Variants in KCNMB4 observed in about 807,000 individuals in gnomAD.
KCNMB4 encodes the protein calcium-activated potassium channel subunit beta-4.
In KCNMB4, 3 loss-of-function variants were observed where a neutral mutation model predicts 20.7. The observed-to-expected ratio is 0.14, with a 90% CI of 0.07 to 0.37. KCNMB4 has a LOEUF of 0.37. Among genes scored for constraint, KCNMB4 ranks in the 10% least tolerant of loss-of-function variants. KCNMB4 has a pLI of 1.00. For synonymous variants in KCNMB4, 110 were observed against 113.4 expected, an observed-to-expected ratio of 0.97 and a Z score of 0.19; for missense variants, 168 against 265.9, an observed-to-expected ratio of 0.63 and a Z score of 2.56.
chr12:70,375,417 T>C (rs1883667645), intron 1 of KCNMB4, among the ~76,000 whole-genome samples: 1 of 151,784 alleles, frequency 6.6e-6, no homozygotes, highest in Non-Finnish European at 1.5e-5. Context: ...GGAGGATTGC[T>C]TGAGGCCAGG....
At chr12:70,389,289 C>G (rs1337505377) in intron 1 of KCNMB4, among the ~76,000 whole-genome samples, 3 of 152,108 alleles carry the variant, frequency 2.0e-5, no homozygotes, top group African/African-American at 7.2e-5. Context: ...GTACCTTTCT[C>G]TTATTTTTCC....
chr12:70,429,106 C>A (rs142497143), intron 2 of KCNMB4, among the ~76,000 whole-genome samples: 48 of 152,200 alleles, frequency 3.2e-4, no homozygotes, highest in African/African-American at 1.1e-3. Context: ...AAAAGAAATA[C>A]CCAACACCCT....
intron 1 of KCNMB4, among the ~76,000 whole-genome samples, chr12:70,392,438 C>A (rs1218065153): frequency 6.6e-6 from 1 of 152,064 alleles, no homozygotes; most frequent in East Asian, 1.9e-4. Flanking sequence ...GGATCTAGAA[C>A]CAGAAATACC....
chr12:70,383,259 G>A (rs1158791862), intron 1 of KCNMB4, among the ~76,000 whole-genome samples: 2 of 152,136 alleles, frequency 1.3e-5, no homozygotes. Flanking sequence ...CCTTAAATAT[G>A]TGCAATTTTT....
At chr12:70,372,968 T>C (rs1248105245) in intron 1 of KCNMB4, among the ~76,000 whole-genome samples, 2 of 151,986 alleles carry the variant, frequency 1.3e-5, no homozygotes, top group African/African-American at 4.8e-5. Flanking sequence ...GAAGATAAAA[T>C]GCAAGAAACA....
intron 2 of KCNMB4, among the ~76,000 whole-genome samples, chr12:70,417,077 G>A (rs755188119): frequency 1.3e-5 from 2 of 152,128 alleles, no homozygotes; most frequent in Non-Finnish European, 2.9e-5. Flanking sequence ...TACTGATGCT[G>A]GAGCTATAGA....
At chr12:70,393,948 T>C (rs1213974459) in intron 1 of KCNMB4, among the ~76,000 whole-genome samples, 1 of 152,148 alleles carries the variant, frequency 6.6e-6, no homozygotes, top group Non-Finnish European at 1.5e-5. Context: ...ACAAGCAAAT[T>C]CCTGTTCAGC....
At chr12:70,418,601 A>G (rs544143629) in intron 2 of KCNMB4, among the ~76,000 whole-genome samples, 2 of 152,280 alleles carry the variant, frequency 1.3e-5, no homozygotes, top group South Asian at 4.1e-4. Context: ...GGCGCGTGCT[A>G]ACTTTGCTCC....
intron 1 of KCNMB4, among the ~76,000 whole-genome samples, chr12:70,375,263 T>A (rs1478474953): frequency 6.6e-6 from 1 of 152,180 alleles, no homozygotes; most frequent in Non-Finnish European, 1.5e-5. Context: ...GGCTAGTCTA[T>A]TTCTTCCTCC....
chr12:70,409,300 G>C (rs1868701709), intron 2 of KCNMB4, among the ~76,000 whole-genome samples: 1 of 152,126 alleles, frequency 6.6e-6, no homozygotes, highest in African/African-American at 2.4e-5. Flanking sequence ...CTTGTTGAAG[G>C]CATCCTCAAC....
chr12:70,392,809 A>G (rs1327674520), intron 1 of KCNMB4, among the ~76,000 whole-genome samples: 5 of 152,264 alleles, frequency 3.3e-5, no homozygotes, highest in African/African-American at 1.2e-4. Flanking sequence ...AGGGAGGGCA[A>G]CATCACACAC....
intron 2 of KCNMB4, among the ~76,000 whole-genome samples, chr12:70,424,764 A>C (rs1593349189): frequency 9.0e-6 from 1 of 111,708 alleles, no homozygotes; most frequent in Admixed American, 8.8e-5. Context: ...AAAAAAAAGA[A>C]TACTACAAAG....
chr12:70,396,559 A>G (rs1868353258), intron 1 of KCNMB4, among the ~76,000 whole-genome samples: 3 of 152,008 alleles, frequency 2.0e-5, no homozygotes, highest in African/African-American at 4.8e-5. Flanking sequence ...GCCCGCCTCA[A>G]CCTCCCAAAG....
chr12:70,423,137 A>C (rs781231950), intron 2 of KCNMB4, among the ~76,000 whole-genome samples: 19 of 152,146 alleles, frequency 1.2e-4, no homozygotes, highest in Non-Finnish European at 1.8e-4. Context: ...TGTACCTGAG[A>C]TACATATATA....
chr12:70,421,479 A>G (rs1037814188), intron 2 of KCNMB4, among the ~76,000 whole-genome samples: 13 of 151,444 alleles, frequency 8.6e-5, no homozygotes, highest in Admixed American at 8.5e-4. Context: ...AGAAAAAAAA[A>G]AAAAAAAAAA....
At chr12:70,423,406 T>C (rs961918476) in intron 2 of KCNMB4, among the ~76,000 whole-genome samples, 13 of 152,274 alleles carry the variant, frequency 8.5e-5, no homozygotes, top group African/African-American at 3.1e-4. Context: ...CTTTCGTTCA[T>C]AGATAGGAAG....
At chr12:70,383,925 T>C (rs1368251881) in intron 1 of KCNMB4, among the ~76,000 whole-genome samples, 2 of 152,080 alleles carry the variant, frequency 1.3e-5, no homozygotes, top group Non-Finnish European at 2.9e-5. Context: ...AAAAATTAGC[T>C]GGGCTTGATG....
intron 1 of KCNMB4, among the ~76,000 whole-genome samples, chr12:70,377,064 T>A (rs976287630): frequency 1.3e-5 from 2 of 152,142 alleles, no homozygotes; most frequent in East Asian, 1.9e-4. Context: ...GACCCAATAT[T>A]GTTAAGATGG....
chr12:70,398,705 C>T (rs776957951), intron 1 of KCNMB4, among the ~76,000 whole-genome samples: 12 of 152,116 alleles, frequency 7.9e-5, no homozygotes, highest in South Asian at 2.1e-4. Flanking sequence ...TTATCATTAA[C>T]GAATTCAACC....
Sources: allele counts gnomAD v4.1 joint callset (sites outside exome capture counted in the v4.1 genomes callset), GRCh38; gene constraint gnomAD v4.1.1; transcripts MANE v1.5; gene names NCBI Gene and HGNC (gene_info 2026-07-23, HGNC 2026-07-21).